Variants in PYGO1 observed in about 807,000 individuals in gnomAD.
The protein encoded by PYGO1 is pygopus family PHD finger 1.
Under a neutral mutation model 29.5 loss-of-function variants are expected in PYGO1, and 6 were observed. That is an observed-to-expected ratio of 0.20 (90% CI 0.11 to 0.40). PYGO1 has a LOEUF of 0.40. Ranked by LOEUF, PYGO1 falls within the 10% of genes least tolerant of loss-of-function variation. The pLI is 1.00. For missense variants in PYGO1, 515 were observed against 514.9 expected, an observed-to-expected ratio of 1.00 and a Z score of 0.00; for synonymous variants, 186 against 180.5, an observed-to-expected ratio of 1.03 and a Z score of -0.24.
intron 2 of PYGO1, among the ~76,000 whole-genome samples, chr15:55,547,372 A>C (rs971431552): frequency 1.1e-4 from 16 of 152,246 alleles, no homozygotes; most frequent in Non-Finnish European, 1.9e-4. Context: ...AAGAAAATAA[A>C]GTATGATTTT....
At chr15:55,587,357 T>C (rs117957700) in intron 1 of PYGO1, among the ~76,000 whole-genome samples, 16 of 149,232 alleles carry the variant, frequency 1.1e-4, no homozygotes, top group East Asian at 4.0e-4. Flanking sequence ...AACTGAATAT[T>C]TGTTGCCTTT....
chr15:55,567,390 T>G (rs1276683050), intron 1 of PYGO1, among the ~76,000 whole-genome samples: 1 of 151,754 alleles, frequency 6.6e-6, no homozygotes. Context: ...TTATTTTTTG[T>G]AGAGACAGGG....
intron 1 of PYGO1, among the ~76,000 whole-genome samples, chr15:55,553,575 C>T (rs1296880505): frequency 6.6e-6 from 1 of 151,908 alleles, no homozygotes; most frequent in African/African-American, 2.4e-5. Context: ...CCACCACTAA[C>T]TTTTTTTGTA....
intron 1 of PYGO1, among the ~76,000 whole-genome samples, chr15:55,584,897 C>A (rs770923317): frequency 3.9e-5 from 6 of 152,192 alleles, no homozygotes; most frequent in Non-Finnish European, 7.3e-5. Flanking sequence ...CCTTTATAAT[C>A]TAGGTCTATT....
chr15:55,559,307 G>A lies in PYGO1; in HGVS notation c.50-10312C>T, dbSNP rs572276156. On this transcript the variant is annotated intron_variant, in intron 1 of 2. Coordinates refer to ENST00000563719, the MANE Select transcript of PYGO1 (RefSeq NM_001367806.1). The stretch of plus-strand genomic sequence containing the variant: ...ACCATCTCACACCAGTTAGAATGGC[G>A]ATCATTAAAAAGTCAGGAAACAACA... Among the ~76,000 whole-genome samples, 518 of 151,958 alleles carry A rather than the reference G, an allele frequency of 3.4e-3. 6 individuals carry two copies. The highest frequency in any genetic ancestry group is 0.011 in the African/African-American group (461 of 41,464).
At chr15:55,568,324 G>GTA (rs2058965842) in intron 1 of PYGO1, among the ~76,000 whole-genome samples, 1 of 144,402 alleles carries the variant, frequency 6.9e-6, no homozygotes, top group African/African-American at 2.6e-5. Context: ...TAGGTACTGT[G>GTA]TGTGTGTGTG....
intron 1 of PYGO1, among the ~76,000 whole-genome samples, chr15:55,585,483 C>T (rs1244023229): frequency 6.6e-6 from 1 of 152,026 alleles, no homozygotes; most frequent in Non-Finnish European, 1.5e-5. Context: ...ATAAAATATT[C>T]CAAAAAATTT....
chr15:55,588,603 G>C (rs1469108327), upstream of PYGO1, among the ~76,000 whole-genome samples: 2 of 149,086 alleles, frequency 1.3e-5, no homozygotes, highest in East Asian at 2.0e-4. Context: ...CTTGCAGCCC[G>C]GGTGGGCAGC....
chr15:55,558,774 C>G (rs372431035), intron 1 of PYGO1, among the ~76,000 whole-genome samples: 1 of 151,826 alleles, frequency 6.6e-6, no homozygotes. Context: ...GAAAACTGGC[C>G]AGCCATATGT....
chr15:55,550,111 G>A (rs1285977073), intron 1 of PYGO1, among the ~76,000 whole-genome samples: 2 of 152,080 alleles, frequency 1.3e-5, no homozygotes, highest in Non-Finnish European at 2.9e-5. Context: ...TATCTGTATG[G>A]TTTGTTTAGA....
rs71105896 is a variant in PYGO1, at chr15:55,576,455, C to CAA, written c.49+11378_49+11379dup. Among the ~76,000 whole-genome samples, 84 of 46,408 alleles carry CAA rather than the reference C, an allele frequency of 1.8e-3. 1 individual carries two copies. The highest frequency in any genetic ancestry group is 3.5e-3 in the South Asian group (3 of 850). 30.4% of individuals were successfully genotyped at this position (46,408 alleles called of 152,430 possible). On this transcript the variant is annotated intron_variant, in intron 1 of 2. Coordinates refer to ENST00000563719, the MANE Select transcript of PYGO1 (RefSeq NM_001367806.1). ...TGGGCGACAGAGCGAGACTCCGTCT[C>CAA]AAAAAAAAAAAAAAAAAAAAAAAAA...
Position 55,587,827 on chromosome 15 carries a change from T to C in PYGO1, c.49+8A>G. The stretch of plus-strand genomic sequence containing the variant: ...CGGTTCCCCCAATCCGGCACCCTTC[T>C]CGGTTACCTCGAACTCTCTTCAGCG... On this transcript the variant is annotated splice_region_variant and intron_variant, in intron 1 of 2. Coordinates refer to ENST00000563719, the MANE Select transcript of PYGO1 (RefSeq NM_001367806.1). 2 of 1,488,736 alleles carry C rather than the reference T, an allele frequency of 1.3e-6. No individual in the cohort carries two copies. The highest frequency in any genetic ancestry group is 1.8e-6 in the Non-Finnish European group (2 of 1,121,748). The allele number at this position is 1,488,736 out of a possible 1,614,324, so 92.2% of individuals were successfully genotyped here. A position where few individuals can be genotyped will look rare whatever the true frequency, so the allele number is the denominator to read the frequency against.
At chr15:55,556,521 A>T (rs2058906005) in intron 1 of PYGO1, among the ~76,000 whole-genome samples, 1 of 152,200 alleles carries the variant, frequency 6.6e-6, no homozygotes. Context: ...CATTTATAGC[A>T]CTAAATGCCC....
At chr15:55,553,700 C>T (rs79904352) in intron 1 of PYGO1, among the ~76,000 whole-genome samples, 4,463 of 152,124 alleles carry the variant, frequency 0.029, 225 homozygotes, top group African/African-American at 0.1. Context: ...TGTGAGCCAA[C>T]GCGCCCAGCC....
chr15:55,588,018 G>T lies in PYGO1; in HGVS notation c.-135C>A, dbSNP rs1429387885. 1.3e-5 allele frequency: 17 copies of T among 1,288,686 alleles called. No homozygotes were observed. Among genetic ancestry groups the T allele is most frequent in the Middle Eastern group, 2.0e-4 (1 of 4,890 alleles). The allele number at this position is 1,288,686 out of a possible 1,614,324, so 79.8% of individuals were successfully genotyped here. A position where few individuals can be genotyped will look rare whatever the true frequency, so the allele number is the denominator to read the frequency against. ...TCGGAGCCGAGGCACGGCCGAGGGC[G>T]GTGGGGACGCGGGCCGACTTTGCAA... On this transcript the variant is annotated 5_prime_UTR_variant, in exon 1 of 3. Transcript: ENST00000563719.
chr15:55,587,771 G>T, intron 1 of PYGO1, 64 bp downstream of exon 1: 1 of 1,448,402 alleles, frequency 6.9e-7, no homozygotes, highest in Non-Finnish European at 9.1e-7. Flanking sequence ...CCCGGCGGCC[G>T]GGCACGGGGC....
intron 1 of PYGO1, among the ~76,000 whole-genome samples, chr15:55,566,963 C>T (rs1480298675): frequency 3.9e-5 from 6 of 152,088 alleles, no homozygotes. Context: ...AACTCCTGGG[C>T]TCAAGCAATC....
At chr15:55,578,447 A>G (rs2059013015) in intron 1 of PYGO1, among the ~76,000 whole-genome samples, 1 of 152,138 alleles carries the variant, frequency 6.6e-6, no homozygotes, top group Non-Finnish European at 1.5e-5. Flanking sequence ...TGTTTTCCAC[A>G]GTGGCTACAT....
chr15:55,564,797 T>C (rs1451966020), intron 1 of PYGO1, among the ~76,000 whole-genome samples: 1 of 152,204 alleles, frequency 6.6e-6, no homozygotes, highest in African/African-American at 2.4e-5. Context: ...AAATCAGAAA[T>C]TGGGCTGCGT....
Sources: allele counts gnomAD v4.1 joint callset (sites outside exome capture counted in the v4.1 genomes callset), GRCh38; gene constraint gnomAD v4.1.1; transcripts MANE v1.5; gene names NCBI Gene and HGNC (gene_info 2026-07-23, HGNC 2026-07-21).